NEO1: variants seen among roughly 807,000 people sequenced by gnomAD.
NEO1 encodes the protein neogenin 1.
NEO1 carries 63 observed loss-of-function variants against 159.7 expected under a neutral mutation model. The observed-to-expected ratio is 0.39, with a 90% CI of 0.32 to 0.49. The LOEUF (loss-of-function observed/expected upper bound fraction) is 0.49, where lower values mean the gene tolerates loss of function less well. Among genes scored for constraint, NEO1 ranks in the 20% least tolerant of loss-of-function variants. NEO1 has a pLI of 0.85. For missense variants in NEO1, 1,615 were observed against 1,831.0 expected, an observed-to-expected ratio of 0.88 and a Z score of 2.15; for synonymous variants, 633 against 662.0, an observed-to-expected ratio of 0.96 and a Z score of 0.67.
intron 11 of NEO1, among the ~76,000 whole-genome samples, chr15:73,250,285 A>G (rs923794872): frequency 6.6e-6 from 1 of 152,164 alleles, no homozygotes; most frequent in Non-Finnish European, 1.5e-5. Flanking sequence ...CATTTAAAAA[A>G]AATATATTTT....
chr15:73,103,536 G>A (rs915262167), intron 1 of NEO1, among the ~76,000 whole-genome samples: 1 of 152,112 alleles, frequency 6.6e-6, no homozygotes, highest in African/African-American at 2.4e-5. Context: ...CTTCATGTAC[G>A]TATGTACTTT....
At chr15:73,263,670 C>A (rs955082753) in intron 15 of NEO1, among the ~76,000 whole-genome samples, 6 of 151,986 alleles carry the variant, frequency 3.9e-5, no homozygotes, top group Non-Finnish European at 8.8e-5. Flanking sequence ...CAGATCGTTT[C>A]TTTGTAAACA....
chr15:73,236,371 C>G lies in NEO1; in HGVS notation c.1316C>G (p.Pro439Arg). Reference sequence around the variant, plus strand: ...GCACCAGCCACAACGGGACCACTGCCTTCAGCTCCTCGGGATGTCGTGGCC... The same window carrying G: ...GCACCAGCCACAACGGGACCACTGCGTTCAGCTCCTCGGGATGTCGTGGCC... ...EHAPATTGPLPSAPRDVVASL... is the reference protein window; with the variant it reads ...EHAPATTGPLRSAPRDVVASL... The change falls in exon 8 of 29, where the codon CCT becomes CGT. Residue 439 changes from proline to arginine, a missense_variant. Coordinates refer to ENST00000261908, the MANE Select transcript of NEO1 (RefSeq NM_002499.4). 1 of 1,614,198 alleles carries G rather than the reference C, an allele frequency of 6.2e-7. No homozygotes were observed. Among genetic ancestry groups the G allele is most frequent in the Non-Finnish European group, 8.5e-7 (1 of 1,180,028 alleles).
chr15:73,261,574 T>C (rs1032721715), intron 15 of NEO1, among the ~76,000 whole-genome samples: 1 of 152,150 alleles, frequency 6.6e-6, no homozygotes, highest in Non-Finnish European at 1.5e-5. Flanking sequence ...CCACGTAGAA[T>C]AGCATCAAAA....
chr15:73,164,287 C>T (rs1161434982), intron 5 of NEO1, among the ~76,000 whole-genome samples: 2 of 150,292 alleles, frequency 1.3e-5, no homozygotes, highest in African/African-American at 2.5e-5. Flanking sequence ...GATCTCAGCT[C>T]ATTGCAACTT....
intron 7 of NEO1, among the ~76,000 whole-genome samples, chr15:73,218,137 G>T (rs893298667): frequency 4.6e-5 from 7 of 152,108 alleles, no homozygotes; most frequent in East Asian, 1.9e-4. Context: ...TAGCATGAAC[G>T]GCTGTTGAAT....
intron 22 of NEO1, among the ~76,000 whole-genome samples, chr15:73,278,428 A>G (rs2041518683): frequency 6.6e-6 from 1 of 152,224 alleles, no homozygotes; most frequent in Admixed American, 6.5e-5. Context: ...TTCCTAAACA[A>G]TTTGTTCATC....
intron 23 of NEO1, among the ~76,000 whole-genome samples, chr15:73,284,966 C>T (rs929402746): frequency 2.0e-5 from 3 of 151,994 alleles, no homozygotes; most frequent in African/African-American, 7.2e-5. Flanking sequence ...TAGAACTTTT[C>T]TTCAAGCCTC....
intron 5 of NEO1, among the ~76,000 whole-genome samples, chr15:73,167,445 G>A (rs918098976): frequency 1.3e-5 from 2 of 152,140 alleles, no homozygotes; most frequent in African/African-American, 4.8e-5. Flanking sequence ...AGGAACTCAA[G>A]ATTTTCCTTT....
At chr15:73,169,192 T>A (rs1169163119) in intron 5 of NEO1, among the ~76,000 whole-genome samples, 1 of 152,204 alleles carries the variant, frequency 6.6e-6, no homozygotes, top group Non-Finnish European at 1.5e-5. Flanking sequence ...AATTAAGTGA[T>A]GTTTCTAGTA....
rs1295078325 is a variant in NEO1, at chr15:73,301,381, G to A, written c.4226G>A (p.Arg1409Gln). Residue 1409 changes from arginine (R) to glutamine (Q), a missense_variant, in exon 28 of 29, where the codon CGG becomes CAG. Arg to Gln is a conservative substitution (Grantham distance 43). Transcript: ENST00000261908. ...TASIGTLGRS[R>Q]PPMPVVVPSA... Reference sequence around the variant, plus strand: ...TCCATCGGGACTCTAGGAAGGAGCCGGCCTCCTATGCCAGTGGTTGTTCCC... The same window carrying A: ...TCCATCGGGACTCTAGGAAGGAGCCAGCCTCCTATGCCAGTGGTTGTTCCC... The A allele has an allele frequency of 2.5e-6, 4 of 1,613,972 alleles. No homozygotes were observed. Among genetic ancestry groups the A allele is most frequent in the African/African-American group, 2.7e-5 (2 of 74,886 alleles).
chr15:73,130,877 G>C (rs1047261859), intron 4 of NEO1, among the ~76,000 whole-genome samples: 4 of 152,196 alleles, frequency 2.6e-5, no homozygotes, highest in African/African-American at 9.7e-5. Flanking sequence ...ACCATGTGGG[G>C]GAACAATAAT....
chr15:73,268,220 A>T (rs765107880), intron 16 of NEO1, among the ~76,000 whole-genome samples: 5 of 152,178 alleles, frequency 3.3e-5, no homozygotes, highest in Non-Finnish European at 7.4e-5. Flanking sequence ...AAGGAGCAAA[A>T]ATTAAGTGAA....
At chr15:73,140,562 A>G (rs1365973973) in intron 5 of NEO1, among the ~76,000 whole-genome samples, 3 of 152,146 alleles carry the variant, frequency 2.0e-5, no homozygotes, top group South Asian at 2.1e-4. Flanking sequence ...TCTAAAAAAT[A>G]AAAACTTAAA....
chr15:73,162,163 T>C (rs1329183710), intron 5 of NEO1: 3 of 223,480 alleles, frequency 1.3e-5, no homozygotes, highest in African/African-American at 2.3e-5. Flanking sequence ...CAGATCACTT[T>C]CCAAATGTAC....
intron 7 of NEO1, among the ~76,000 whole-genome samples, chr15:73,184,219 G>A (rs565825955): frequency 2.0e-5 from 3 of 151,998 alleles, no homozygotes; most frequent in Admixed American, 6.6e-5. Flanking sequence ...ACAGTGGCGC[G>A]ATCTCAGCTC....
intron 1 of NEO1, among the ~76,000 whole-genome samples, chr15:73,059,757 T>C (rs768873868): frequency 3.7e-4 from 56 of 152,220 alleles, no homozygotes; most frequent in Non-Finnish European, 7.1e-4. Flanking sequence ...AACTTAGTTT[T>C]ATAAAGCCAG....
chr15:73,071,867 G>A (rs1446168515), intron 1 of NEO1, among the ~76,000 whole-genome samples: 3 of 152,050 alleles, frequency 2.0e-5, no homozygotes, highest in Non-Finnish European at 1.5e-5. Flanking sequence ...AACAATTGCC[G>A]TTCTCTGAAA....
intron 1 of NEO1, among the ~76,000 whole-genome samples, chr15:73,068,848 G>T (rs1450263667): frequency 6.7e-6 from 1 of 149,374 alleles, no homozygotes; most frequent in Non-Finnish European, 1.5e-5. Flanking sequence ...AAAGAATAGT[G>T]TTTTTTTTTA....
Sources: allele counts gnomAD v4.1 joint callset (sites outside exome capture counted in the v4.1 genomes callset), GRCh38; gene constraint gnomAD v4.1.1; transcripts MANE v1.5; gene names NCBI Gene and HGNC (gene_info 2026-07-23, HGNC 2026-07-21).